The following ADRA1A variants were observed in gnomAD, a reference collection of about 807,000 sequenced individuals.
ADRA1A encodes the protein adrenoceptor alpha 1A.
Under a neutral mutation model 29.6 loss-of-function variants are expected in ADRA1A, and 31 were observed. The observed-to-expected ratio is 1.05, with a 90% CI of 0.79 to 1.41. The LOEUF is 1.41. ADRA1A is among the 40% of genes most tolerant of loss of function. ADRA1A has a pLI of 0.00. For missense variants in ADRA1A, 619 were observed against 601.1 expected (o/e 1.03, Z -0.31); for synonymous variants, 311 against 254.3 (o/e 1.22, Z -2.12).
At chr8:26,763,657 C>T (rs565663771), downstream of ADRA1A, among the ~76,000 whole-genome samples, 7 of 152,200 alleles carry the variant, frequency 4.6e-5, no homozygotes, top group South Asian at 2.1e-4. This position sits in a 1 kb window ranked among gnomAD's most constrained non-coding sequence, Gnocchi z 4.5. Context: ...TGTGGAACAC[C>T]GAAACCTATT....
In ADRA1A at chr8:26,860,700, T is replaced by A. The variant is rs1813387574; in HGVS notation, c.883+3387A>T. 6.6e-6 allele frequency among the ~76,000 whole-genome samples: 1 copy of A among 152,144 alleles called. No individual in the cohort carries two copies. On this transcript the variant is annotated intron_variant, in intron 2 of 2. Transcript: ENST00000380573. The surrounding 1 kb of genome is among the most constrained non-coding windows in gnomAD (Gnocchi z 4.7). Reference sequence around the variant, plus strand: ...TAAACATATCCTAAAGAGATCACTATCTCTCTCCCTCTGTCTCTACTTGCC... The same window carrying A: ...TAAACATATCCTAAAGAGATCACTAACTCTCTCCCTCTGTCTCTACTTGCC...
At chr8:26,762,430 G>C (rs1479542706), downstream of ADRA1A, among the ~76,000 whole-genome samples, 1 of 152,130 alleles carries the variant, frequency 6.6e-6, no homozygotes, top group Non-Finnish European at 1.5e-5. The surrounding 1 kb of genome is among the most constrained non-coding windows in gnomAD (Gnocchi z 4.0). Flanking sequence ...AGGCTGACCT[G>C]GGAAGAGGAT....
intron 2 of ADRA1A, among the ~76,000 whole-genome samples, chr8:26,778,221 A>G (rs1051762450): frequency 1.2e-4 from 18 of 152,174 alleles, no homozygotes; most frequent in African/African-American, 4.1e-4. Flanking sequence ...CAACGCCCAT[A>G]AGAACGCTGG....
rs1011492254 is a variant in ADRA1A at position 26,780,677 on chromosome 8, C to G, written c.884-10011G>C. 2.0e-5 allele frequency among the ~76,000 whole-genome samples: 3 copies of G among 152,208 alleles called. No individual in the cohort carries two copies. The East Asian group carries it at 5.8e-4, about 29-fold the overall frequency. ...GTACCAGTCTGTGGCCTGTTAGAAA[C>G]CAGGCTGTATGGCAGGAGGTGTGTG... On this transcript the variant is annotated intron_variant, in intron 2 of 2. Transcript: ENST00000380573.
intron 2 of ADRA1A, among the ~76,000 whole-genome samples, chr8:26,784,979 A>C (rs1321006184): frequency 6.6e-6 from 1 of 152,224 alleles, no homozygotes; most frequent in African/African-American, 2.4e-5. Context: ...TAAGTACCAC[A>C]CAGCATCCTA....
chr8:26,804,421 G>A lies in ADRA1A; in HGVS notation c.884-33755C>T, dbSNP rs1327026786. Among the ~76,000 whole-genome samples the A allele has an allele frequency of 2.0e-5, 3 of 152,262 alleles. No homozygotes were observed. The East Asian group carries it at 5.8e-4, about 29-fold the overall frequency. On this transcript the variant is annotated intron_variant, in intron 2 of 2. Coordinates refer to ENST00000380573, the MANE Select transcript of ADRA1A (RefSeq NM_000680.4). ...ATACCTATTACTCTAGAATAAAAAAGAATAGACTATTGATACATGTGACAT... is the reference window on the plus strand; with the variant it reads ...ATACCTATTACTCTAGAATAAAAAAAAATAGACTATTGATACATGTGACAT...
intron 2 of ADRA1A, among the ~76,000 whole-genome samples, chr8:26,789,029 A>G (rs193247302): frequency 2.2e-3 from 337 of 152,278 alleles, no homozygotes; most frequent in African/African-American, 7.7e-3. Flanking sequence ...GGCCTGCTGC[A>G]TGCACCAACA....
intron 2 of ADRA1A, among the ~76,000 whole-genome samples, chr8:26,749,284 G>A (rs555112182): frequency 3.5e-4 from 54 of 152,196 alleles, no homozygotes; most frequent in African/African-American, 1.2e-3. Context: ...AGATAATCAG[G>A]GGCTGATGGC....
At position 26,825,850 on chromosome 8, in the gene ADRA1A, G is replaced by A. The variant is rs144953265; in HGVS notation, c.883+38237C>T. 1.6e-3 allele frequency among the ~76,000 whole-genome samples: 238 copies of A among 152,270 alleles called. No individual in the cohort carries two copies. The highest frequency in any genetic ancestry group is 6.8e-3 in the Middle Eastern group (2 of 294). ...TGATACCTGCTTAAAACAGAAAATC[G>A]ACTTCCAAGTTCTGCGCACTGGTGT... On this transcript the variant is annotated intron_variant, in intron 2 of 2. Transcript: ENST00000380573. The surrounding 1 kb of genome is among the most constrained non-coding windows in gnomAD (Gnocchi z 5.7).
At chr8:26,777,555 T>C (rs1806638969) in intron 2 of ADRA1A, among the ~76,000 whole-genome samples, 1 of 152,206 alleles carries the variant, frequency 6.6e-6, no homozygotes, top group African/African-American at 2.4e-5. Flanking sequence ...GCTAGTCTTT[T>C]TTTCCCCTAT....
chr8:26,797,603 A>T (rs1808271632), intron 2 of ADRA1A, among the ~76,000 whole-genome samples: 1 of 151,890 alleles, frequency 6.6e-6, no homozygotes, highest in African/African-American at 2.4e-5. Flanking sequence ...CTGACCTATT[A>T]TTGTTATTTT....
chr8:26,827,961 A>C (rs1248414759), intron 2 of ADRA1A, among the ~76,000 whole-genome samples: 2 of 152,098 alleles, frequency 1.3e-5, no homozygotes, highest in Non-Finnish European at 2.9e-5. Flanking sequence ...TGGCGTGATC[A>C]TGGCTCACTG....
chr8:26,822,696 G>A (rs1487802952), intron 2 of ADRA1A, among the ~76,000 whole-genome samples: 3 of 152,210 alleles, frequency 2.0e-5, no homozygotes. Context: ...TTGCTACAAA[G>A]GAATGCCTGA....
At chr8:26,814,013 T>C (rs923808292) in intron 2 of ADRA1A, among the ~76,000 whole-genome samples, 7 of 152,200 alleles carry the variant, frequency 4.6e-5, no homozygotes, top group Admixed American at 2.0e-4. Context: ...AGATGTGGTT[T>C]GTTTAGCTAG....
chr8:26,768,596 A>G (rs1805920545), downstream of ADRA1A, among the ~76,000 whole-genome samples: 1 of 152,242 alleles, frequency 6.6e-6, no homozygotes, highest in Non-Finnish European at 1.5e-5. Context: ...TATGGGTTGC[A>G]GTCAAAAACA....
intron 2 of ADRA1A, among the ~76,000 whole-genome samples, chr8:26,808,343 T>C (rs1316816032): frequency 6.6e-6 from 1 of 152,222 alleles, no homozygotes; most frequent in Non-Finnish European, 1.5e-5. Flanking sequence ...TATTCCATTG[T>C]ATGTATTTAG....
rs184601322 is a variant in ADRA1A, at chr8:26,862,142, C to G, written c.883+1945G>C. Among the ~76,000 whole-genome samples the G allele has an allele frequency of 2.6e-5, 4 of 152,282 alleles. No homozygotes were observed. The East Asian group carries it at 7.7e-4, about 29-fold the overall frequency. Reference sequence around the variant, plus strand: ...AATCTCTTCTTGAACTTGACTGCCCCCTCCCTGTCTGTAGTTGAGCCATAC... The same window carrying G: ...AATCTCTTCTTGAACTTGACTGCCCGCTCCCTGTCTGTAGTTGAGCCATAC... On this transcript the variant is annotated intron_variant, in intron 2 of 2. Coordinates refer to ENST00000380573, the MANE Select transcript of ADRA1A (RefSeq NM_000680.4).
At chr8:26,847,850 C>T (rs61756997) in intron 2 of ADRA1A, among the ~76,000 whole-genome samples, 494 of 152,332 alleles carry the variant, frequency 3.2e-3, no homozygotes, top group Non-Finnish European at 5.0e-3. Flanking sequence ...CCTCAGCAGC[C>T]GCTGCCAGCA....
chr8:26,748,161 A>G (rs1372401764), exon 3 of ADRA1A: 2 of 152,224 alleles, frequency 1.3e-5, no homozygotes, highest in African/African-American at 4.8e-5. Flanking sequence ...ACCAATGGCT[A>G]TGGGCTGGGT....
Sources: allele counts gnomAD v4.1 joint callset (sites outside exome capture counted in the v4.1 genomes callset), GRCh38; gene constraint gnomAD v4.1.1; non-coding constraint Gnocchi (gnomAD v3.1); transcripts MANE v1.5; gene names NCBI Gene and HGNC (gene_info 2026-07-23, HGNC 2026-07-21).